UNC13A: variants seen among roughly 807,000 people sequenced by gnomAD.
UNC13A encodes protein unc-13 homolog A.
In UNC13A, 61 loss-of-function variants were observed where a neutral mutation model predicts 219.7. The observed-to-expected ratio is 0.28, with a 90% confidence interval of 0.23 to 0.34. The LOEUF (loss-of-function observed/expected upper bound fraction) is 0.34. Among genes scored for constraint, UNC13A ranks in the 10% least tolerant of loss-of-function variants. The pLI is 1.00. For missense variants in UNC13A, 1,476 were observed against 2,270.3 expected (o/e 0.65, Z 7.11); for synonymous variants, 920 against 884.6 (o/e 1.04, Z -0.71).
At chr19:17,656,920 T>G (rs1043127421) in intron 9 of UNC13A, among the ~76,000 whole-genome samples, 2 of 151,016 alleles carry the variant, frequency 1.3e-5, no homozygotes, top group African/African-American at 2.4e-5. Context: ...GAACAGGCAA[T>G]TGACTGTGCT....
intron 38 of UNC13A, among the ~76,000 whole-genome samples, chr19:17,619,224 C>T (rs1236108388): frequency 6.6e-6 from 1 of 152,108 alleles, no homozygotes; most frequent in Non-Finnish European, 1.5e-5. Flanking sequence ...AGGGACCAGA[C>T]TGTGAGGGGC....
At chr19:17,650,551 C>A (rs1459429956) in intron 12 of UNC13A, among the ~76,000 whole-genome samples, 1 of 152,146 alleles carries the variant, frequency 6.6e-6, no homozygotes, top group African/African-American at 2.4e-5. Context: ...TTTCTTGGCT[C>A]ATTGCAACCT....
chr19:17,609,833 A>T, intron 43 of UNC13A, 107 bp downstream of exon 43: 1 of 1,511,936 alleles, frequency 6.6e-7, no homozygotes. Context: ...GGCCCCTCCC[A>T]TTCCCGGGCC....
intron 41 of UNC13A, 149 bp from the exon 42 acceptor site, chr19:17,612,004 G>T (rs1410807515): frequency 1.2e-5 from 7 of 597,088 alleles, no homozygotes; most frequent in Non-Finnish European, 2.0e-5. Context: ...AGGATGGGAG[G>T]TGCTCTTGGG....
intron 22 of UNC13A, among the ~76,000 whole-genome samples, 162 bp from the exon 23 acceptor site, chr19:17,640,070 T>C (rs935388062): frequency 2.0e-5 from 3 of 152,148 alleles, no homozygotes; most frequent in Non-Finnish European, 4.4e-5. Context: ...AGTCTTGCTC[T>C]GTTGCCCAGG....
At chr19:17,620,767 G>A (rs767524212) in intron 37 of UNC13A, 45 bp from the exon 38 acceptor site, 10 of 1,608,562 alleles carry the variant, frequency 6.2e-6, no homozygotes, top group South Asian at 2.2e-5. Context: ...GTGACTGTTG[G>A]GAGGATACTC....
intron 38 of UNC13A, among the ~76,000 whole-genome samples, chr19:17,619,435 TTTC>T (rs200501420): frequency 0.26 from 34,177 of 129,328 alleles, 4,065 homozygotes; most frequent in Middle Eastern, 0.32. Context: ...TGATTTTTCT[TTTC>T]TTTTTTTTTT....
chr19:17,674,714 T>C lies in UNC13A; in HGVS notation c.95A>G (p.Lys32Arg), dbSNP rs758413967. The C allele has an allele frequency of 1.2e-6, 2 of 1,613,978 alleles. No individual in the cohort carries two copies. Among genetic ancestry groups the C allele is most frequent in the Admixed American group, 3.3e-5 (2 of 60,018 alleles). ...GCCCCGCACCGCGATGGTCGTGCTC[T>C]TGACATTCTGCACTTTCAGGGTCAC... ...TYVTLKVQNV[K>R]STTIAVRGSQ... Residue 32 changes from lysine to arginine, a missense_variant, in exon 3 of 44, where the codon AAG (lysine) becomes AGG (arginine). Lys to Arg is a conservative substitution (Grantham distance 26, BLOSUM62 2). Transcript: ENST00000519716. This position sits in a 1 kb window ranked among gnomAD's most constrained non-coding sequence, Gnocchi z 5.0.
Position 17,649,031 on chromosome 19 carries a change from A to G in UNC13A, c.1525-48T>C. On this transcript the variant is annotated intron_variant, in intron 14 of 43. Coordinates refer to ENST00000519716, the MANE Select transcript of UNC13A (RefSeq NM_001080421.3). This position sits in a 1 kb window ranked among gnomAD's most constrained non-coding sequence, Gnocchi z 4.4. ...AGTCGGGGGGGTTGACATCCATGAG[A>G]TCACCACCAGGAGAGTTCACAGCCA... 6.5e-7 allele frequency: 1 copy of G among 1,541,162 alleles called. No individual in the cohort carries two copies.
chr19:17,660,539 T>TG (rs1348452113), intron 8 of UNC13A, among the ~76,000 whole-genome samples: 9 of 150,476 alleles, frequency 6.0e-5, no homozygotes, highest in African/African-American at 9.8e-5. Flanking sequence ...TTTTGGGTTT[T>TG]TTTTTTTTTT....
intron 20 of UNC13A, 41 bp from the exon 21 acceptor site, chr19:17,641,597 G>A (rs2076970686): frequency 6.3e-7 from 1 of 1,597,950 alleles, no homozygotes; most frequent in Non-Finnish European, 8.6e-7. Flanking sequence ...GAGTGCAAGG[G>A]GTCGCCGGGG....
At position 17,627,421 on chromosome 19, in the gene UNC13A, T is replaced by C; in HGVS notation, c.3920+88A>G. 3 of 1,038,686 alleles carry C rather than the reference T, an allele frequency of 2.9e-6. No homozygotes were observed. The highest frequency in any genetic ancestry group is 4.3e-6 in the Non-Finnish European group (3 of 692,488). 64.3% of individuals were successfully genotyped at this position (1,038,686 alleles called of 1,614,324 possible). On this transcript the variant is annotated intron_variant, in intron 33 of 43. Transcript: ENST00000519716. The surrounding 1 kb of genome is among the most constrained non-coding windows in gnomAD (Gnocchi z 4.7). ...ACTCTGAGCCTGCAATCTTCACCTC[T>C]ACATCTGCTGAGCCTCCAGATGCCC...
chr19:17,643,150 T>C (rs955995211), intron 19 of UNC13A, among the ~76,000 whole-genome samples, 190 bp from the exon 20 acceptor site: 1 of 151,988 alleles, frequency 6.6e-6, no homozygotes, highest in Non-Finnish European at 1.5e-5. Context: ...TAGCTGGAAT[T>C]ACAGGTGCCT....
At chr19:17,611,883 C>T (rs1186162393) in intron 41 of UNC13A, 28 bp from the exon 42 acceptor site, 52 of 1,601,492 alleles carry the variant, frequency 3.2e-5, no homozygotes, top group Non-Finnish European at 4.3e-5. Flanking sequence ...GGATGGTCAG[C>T]GTGAGCTCTG....
intron 1 of UNC13A, among the ~76,000 whole-genome samples, chr19:17,685,085 G>A (rs111287402): frequency 0.017 from 2,621 of 152,274 alleles, 37 homozygotes; most frequent in Non-Finnish European, 0.029. Flanking sequence ...GTTGTCATGT[G>A]CATACACACA....
At chr19:17,655,420 T>A in intron 10 of UNC13A, 38 bp from the exon 11 acceptor site, 1 of 1,491,820 alleles carries the variant, frequency 6.7e-7, no homozygotes, top group Non-Finnish European at 9.1e-7. Context: ...GGGCTGGCTC[T>A]CCGTGACCCC....
intron 6 of UNC13A, among the ~76,000 whole-genome samples, chr19:17,666,907 AGAGAAAGACAG>A (rs751599683): frequency 2.1e-3 from 287 of 137,472 alleles, no homozygotes; most frequent in Non-Finnish European, 2.5e-3. Flanking sequence ...AGAGAGAGAG[AGAGAAAGACAG>A]AGACAGAGAC....
chr19:17,617,885 G>A (rs771683894), intron 40 of UNC13A, 36 bp from the exon 41 acceptor site: 2 of 1,611,602 alleles, frequency 1.2e-6, no homozygotes, highest in Non-Finnish European at 1.7e-6. Context: ...TGAGGATGGT[G>A]GGAACCTCTA....
chr19:17,632,947 C>T (rs1249621957), intron 27 of UNC13A, 39 bp from the exon 28 acceptor site: 1 of 1,613,106 alleles, frequency 6.2e-7, no homozygotes, highest in Non-Finnish European at 8.5e-7. Flanking sequence ...CTGGAAGGGT[C>T]TGCCACCCTC....
Sources: allele counts gnomAD v4.1 joint callset (sites outside exome capture counted in the v4.1 genomes callset), GRCh38; gene constraint gnomAD v4.1.1; non-coding constraint Gnocchi (gnomAD v3.1); transcripts MANE v1.5; gene names NCBI Gene and HGNC (gene_info 2026-07-23, HGNC 2026-07-21).